The following AGTPBP1 variants were observed in gnomAD, a reference collection of about 807,000 sequenced individuals.
AGTPBP1 encodes the protein cytosolic carboxypeptidase 1.
In AGTPBP1, 70 loss-of-function variants were observed where a neutral mutation model predicts 143.9. The observed-to-expected ratio is 0.49, with a 90% CI of 0.40 to 0.59. The LOEUF is 0.59. Ranked by LOEUF, AGTPBP1 falls within the 20% of genes least tolerant of loss-of-function variation. AGTPBP1 has a pLI of 0.00. For missense variants in AGTPBP1, 1,229 were observed against 1,464.5 expected, an observed-to-expected ratio of 0.84 and a Z score of 2.62; for synonymous variants, 463 against 500.2, an observed-to-expected ratio of 0.93 and a Z score of 0.99.
At chr9:85,783,990 C>T in the AGTPBP1 span, among the ~76,000 whole-genome samples, 58,125 of 152,060 alleles carry the variant, frequency 0.38, 12,687 homozygotes, top group African/African-American at 0.59. Flanking sequence ...TTTTGGCATT[C>T]TCCAATTGCA....
chr9:85,577,745 T>A (rs1191566874), intron 24 of AGTPBP1, among the ~76,000 whole-genome samples: 1 of 152,206 alleles, frequency 6.6e-6, no homozygotes, highest in African/African-American at 2.4e-5. Context: ...TTTAAGTAAA[T>A]TCTACTTTAC....
At chr9:85,745,847 G>T (rs147330980), upstream of AGTPBP1, among the ~76,000 whole-genome samples, 37 of 152,238 alleles carry the variant, frequency 2.4e-4, no homozygotes, top group East Asian at 6.6e-3. Flanking sequence ...CTTTGGTAAG[G>T]CTTTTCTCTT....
At chr9:85,677,259 TACACATACA>T (rs1162096328) in intron 6 of AGTPBP1, among the ~76,000 whole-genome samples, 168 bp downstream of exon 6, 4 of 152,216 alleles carry the variant, frequency 2.6e-5, no homozygotes, top group African/African-American at 9.7e-5. Context: ...ATTTGATCAT[TACACATACA>T]TTTTTATCAA....
At chr9:85,728,388 T>C (rs1838660181) in intron 1 of AGTPBP1, among the ~76,000 whole-genome samples, 1 of 152,188 alleles carries the variant, frequency 6.6e-6, no homozygotes, top group Non-Finnish European at 1.5e-5. Context: ...ATGAGATTTA[T>C]GCTCTTGATT....
the AGTPBP1 span, among the ~76,000 whole-genome samples, chr9:85,770,878 G>T: frequency 6.6e-6 from 1 of 151,958 alleles, no homozygotes; most frequent in African/African-American, 2.4e-5. Context: ...CTTCATTGCT[G>T]CAGGGTAGGG....
chr9:85,711,878 G>A (rs1333574447), intron 2 of AGTPBP1, among the ~76,000 whole-genome samples: 2 of 151,970 alleles, frequency 1.3e-5, no homozygotes, highest in African/African-American at 4.8e-5. Context: ...GCATGGCTGT[G>A]TTCCAAAAAA....
intron 14 of AGTPBP1, among the ~76,000 whole-genome samples, chr9:85,626,463 G>T (rs922099709): frequency 2.6e-5 from 4 of 152,216 alleles, no homozygotes; most frequent in African/African-American, 9.6e-5. Flanking sequence ...GGTAGGGAAT[G>T]TGATAAGTTG....
At chr9:85,712,884 T>C (rs1284577945) in intron 1 of AGTPBP1, among the ~76,000 whole-genome samples, 2 of 152,192 alleles carry the variant, frequency 1.3e-5, no homozygotes, top group Non-Finnish European at 2.9e-5. Flanking sequence ...TCTGTTCTAA[T>C]ACTCCTCCTT....
At chr9:85,705,944 C>T (rs1836966679) in intron 2 of AGTPBP1, among the ~76,000 whole-genome samples, 1 of 151,868 alleles carries the variant, frequency 6.6e-6, no homozygotes, top group African/African-American at 2.4e-5. Flanking sequence ...CCCGCCTCGG[C>T]CTCCCAAAGT....
At chr9:85,733,541 C>T (rs975587482) in intron 1 of AGTPBP1, among the ~76,000 whole-genome samples, 2 of 152,026 alleles carry the variant, frequency 1.3e-5, no homozygotes, top group Non-Finnish European at 2.9e-5. Context: ...AACAACCTAT[C>T]TTTACAACTA....
rs570030242 is a variant in AGTPBP1 at position 85,589,288 on chromosome 9, C to T, written c.2722+240G>A. ...TGAATACAATTTCTAAGGATAAGAACTAAACGACAGTGGTAGCAAAAGAGA... is the reference window on the plus strand; with the variant it reads ...TGAATACAATTTCTAAGGATAAGAATTAAACGACAGTGGTAGCAAAAGAGA... On this transcript the variant is annotated intron_variant, in intron 20 of 25. Coordinates refer to ENST00000357081, the MANE Select transcript of AGTPBP1 (RefSeq NM_001330701.2). 3.9e-5 allele frequency among the ~76,000 whole-genome samples: 6 copies of T among 152,010 alleles called. No individual in the cohort carries two copies. The South Asian group carries it at 8.4e-4, about 21-fold the overall frequency.
At chr9:85,587,570 A>G (rs555635882) in intron 21 of AGTPBP1, among the ~76,000 whole-genome samples, 12 of 152,318 alleles carry the variant, frequency 7.9e-5, no homozygotes, top group African/African-American at 2.6e-4. Flanking sequence ...TTTTAGTTCC[A>G]TAACCATAAC....
At chr9:85,591,970 T>C (rs1828996989) in intron 19 of AGTPBP1, among the ~76,000 whole-genome samples, 1 of 152,160 alleles carries the variant, frequency 6.6e-6, no homozygotes, top group Non-Finnish European at 1.5e-5. Context: ...CATTTTGCTA[T>C]ATTCAAAATC....
the AGTPBP1 span, among the ~76,000 whole-genome samples, chr9:85,790,348 G>T: frequency 6.6e-6 from 1 of 152,066 alleles, no homozygotes; most frequent in Admixed American, 6.6e-5. Flanking sequence ...CTTTTCATAG[G>T]TTTTGTTGTT....
intron 24 of AGTPBP1, among the ~76,000 whole-genome samples, chr9:85,576,006 T>C (rs1827875211): frequency 6.6e-6 from 1 of 152,188 alleles, no homozygotes; most frequent in African/African-American, 2.4e-5. Flanking sequence ...AATGAAGTAG[T>C]GGTCAAATAA....
chr9:85,646,515 A>C, intron 11 of AGTPBP1, 97 bp from the exon 12 acceptor site: 1 of 837,516 alleles, frequency 1.2e-6, no homozygotes, highest in East Asian at 2.5e-5. Context: ...TATTTCAATC[A>C]CCAGAGAAAA....
chr9:85,591,838 G>A (rs1349740104), intron 19 of AGTPBP1, among the ~76,000 whole-genome samples: 1 of 151,806 alleles, frequency 6.6e-6, no homozygotes, highest in East Asian at 1.9e-4. Context: ...TTTCTTTATT[G>A]GTAAATTGAT....
At chr9:85,659,593 C>A (rs1052185838) in intron 9 of AGTPBP1, among the ~76,000 whole-genome samples, 4 of 151,904 alleles carry the variant, frequency 2.6e-5, no homozygotes, top group South Asian at 4.1e-4. Context: ...GAGACTACTA[C>A]TAAAAACTGA....
At chr9:85,655,722 C>T (rs929816914) in intron 10 of AGTPBP1, among the ~76,000 whole-genome samples, 2 of 151,904 alleles carry the variant, frequency 1.3e-5, no homozygotes, top group African/African-American at 4.8e-5. Flanking sequence ...TTTGACCAAA[C>T]CTTCCTCAGA....
Sources: allele counts gnomAD v4.1 joint callset (sites outside exome capture counted in the v4.1 genomes callset), GRCh38; gene constraint gnomAD v4.1.1; transcripts MANE v1.5; gene names NCBI Gene and HGNC (gene_info 2026-07-23, HGNC 2026-07-21).